GMDS: variants seen among roughly 807,000 people sequenced by gnomAD.
GMDS encodes the protein GDP-mannose 4,6 dehydratase.
In GMDS, 20 loss-of-function variants were observed where a neutral mutation model predicts 49.9. The observed-to-expected ratio is 0.40, with a 90% CI of 0.28 to 0.58. The LOEUF is 0.58. Ranked by LOEUF, GMDS falls within the 20% of genes least tolerant of loss-of-function variation. The pLI, the probability that GMDS is intolerant of heterozygous loss-of-function variation, is 0.42. For missense variants in GMDS, 362 were observed against 481.4 expected (o/e 0.75, Z 2.32); for synonymous variants, 177 against 178.6 (o/e 0.99, Z 0.07).
chr6:1,636,014 C>T (rs983169310), intron 9 of GMDS, among the ~76,000 whole-genome samples: 5 of 152,136 alleles, frequency 3.3e-5, no homozygotes, highest in African/African-American at 1.2e-4. Flanking sequence ...CTCCTCATCA[C>T]AAAGAGGACT....
At chr6:1,962,872 TTTTC>T (rs1464389104) in intron 4 of GMDS, among the ~76,000 whole-genome samples, 1 of 151,412 alleles carries the variant, frequency 6.6e-6, no homozygotes, top group African/African-American at 2.4e-5. Context: ...CTTTTCTTTT[TTTTC>T]TTTCTTTTTT....
At chr6:2,010,068 C>A (rs531232618) in intron 4 of GMDS, among the ~76,000 whole-genome samples, 11 of 152,132 alleles carry the variant, frequency 7.2e-5, no homozygotes, top group Non-Finnish European at 1.0e-4. Flanking sequence ...GTGGCTCACA[C>A]CTGTAATCCC....
At chr6:2,129,834 A>G (rs1333501224) in intron 1 of GMDS, among the ~76,000 whole-genome samples, 5 of 152,256 alleles carry the variant, frequency 3.3e-5, no homozygotes, top group African/African-American at 1.2e-4. Context: ...AGAATATAAT[A>G]GAAAGGTGTT....
At chr6:2,010,370 C>T (rs1213121296) in intron 4 of GMDS, among the ~76,000 whole-genome samples, 3 of 147,548 alleles carry the variant, frequency 2.0e-5, no homozygotes, top group African/African-American at 7.5e-5. Context: ...ACACATAGCA[C>T]ATCAAAATCA....
chr6:2,175,904 A>G, intron 1 of GMDS: 7 of 1,175,764 alleles, frequency 6.0e-6, no homozygotes, highest in Non-Finnish European at 7.3e-6. Flanking sequence ...GATTAGCCCC[A>G]TTTTATAAGG....
intron 6 of GMDS, among the ~76,000 whole-genome samples, chr6:1,951,014 A>G (rs1763313330): frequency 6.6e-6 from 1 of 152,124 alleles, no homozygotes; most frequent in Admixed American, 6.6e-5. Context: ...GGGACAAGAA[A>G]AATATCTCCA....
In GMDS at chr6:1,718,254, T is replaced by C. The variant is rs1346838904; in HGVS notation, c.987+8162A>G. Among the ~76,000 whole-genome samples the C allele has an allele frequency of 2.0e-5, 3 of 152,120 alleles. No homozygotes were observed. The East Asian group carries it at 5.8e-4, about 29-fold the overall frequency. ...TGACCTCTTTTCTCTACACTAGGCC[T>C]CCAGCTCCAACTGCCTCCCTCATTT... On this transcript the variant is annotated intron_variant, in intron 9 of 10. Transcript: ENST00000380815.
At chr6:2,118,198 TG>T (rs1226149233) in intron 2 of GMDS, among the ~76,000 whole-genome samples, 2 of 147,552 alleles carry the variant, frequency 1.4e-5, no homozygotes, top group Non-Finnish European at 3.0e-5. Flanking sequence ...AGGTGGGGGG[TG>T]GGGGGACAGT....
chr6:1,974,674 G>A (rs1359876107), intron 4 of GMDS, among the ~76,000 whole-genome samples: 2 of 152,062 alleles, frequency 1.3e-5, no homozygotes, highest in African/African-American at 4.8e-5. Context: ...GAAGTCAGGA[G>A]TGATACTGTA....
At chr6:1,697,730 T>G (rs1028957919) in intron 9 of GMDS, among the ~76,000 whole-genome samples, 9 of 152,196 alleles carry the variant, frequency 5.9e-5, no homozygotes, top group African/African-American at 2.2e-4. Flanking sequence ...GTGTTTCTGA[T>G]GCTTGTGCAA....
chr6:2,220,224 T>C lies in GMDS; in HGVS notation c.102+25097A>G, dbSNP rs79342619. ...CTAGAGGACTCAATTTCCCGGTCCT[T>C]CAATACTTCTGATGTTTCTTTTCAC... On this transcript the variant is annotated intron_variant, in intron 1 of 10. Transcript: ENST00000380815. Among the ~76,000 whole-genome samples, 253 of 152,278 alleles carry C rather than the reference T, an allele frequency of 1.7e-3. 6 individuals are homozygous for C. In the East Asian group the frequency reaches 0.034, roughly 21 times the overall value.
chr6:1,683,417 G>A (rs11242714), intron 9 of GMDS, among the ~76,000 whole-genome samples: 34,689 of 152,034 alleles, frequency 0.23, 4,201 homozygotes, highest in East Asian at 0.49. Context: ...GCCACCGCGC[G>A]CGGCCTGGAT....
intron 7 of GMDS, among the ~76,000 whole-genome samples, chr6:1,906,022 C>G (rs761592892): frequency 1.3e-5 from 2 of 151,892 alleles, no homozygotes; most frequent in Non-Finnish European, 2.9e-5. Flanking sequence ...CAGATCCACA[C>G]AGAACAGCTG....
At chr6:1,758,427 T>C (rs1291196693) in intron 7 of GMDS, among the ~76,000 whole-genome samples, 1 of 152,080 alleles carries the variant, frequency 6.6e-6, no homozygotes, top group Non-Finnish European at 1.5e-5. Flanking sequence ...TACCACACTC[T>C]CTCCCCAATT....
At chr6:1,976,835 C>T (rs1449301660) in intron 4 of GMDS, among the ~76,000 whole-genome samples, 2 of 152,138 alleles carry the variant, frequency 1.3e-5, no homozygotes, top group African/African-American at 2.4e-5. Context: ...ATTTAAATTG[C>T]TGTGCAATAC....
chr6:1,969,679 C>T (rs1192044685), intron 4 of GMDS, among the ~76,000 whole-genome samples: 2 of 152,170 alleles, frequency 1.3e-5, no homozygotes, highest in Non-Finnish European at 2.9e-5. Flanking sequence ...GTTGCCCTTT[C>T]CCTCTACTCA....
intron 4 of GMDS, among the ~76,000 whole-genome samples, chr6:2,031,948 CATT>C (rs1168563273): frequency 6.6e-6 from 1 of 152,188 alleles, no homozygotes; most frequent in Non-Finnish European, 1.5e-5. Flanking sequence ...CTTATGAAAA[CATT>C]AGCCATTTTT....
At chr6:1,811,029 T>C (rs763346748) in intron 7 of GMDS, among the ~76,000 whole-genome samples, 58 of 152,170 alleles carry the variant, frequency 3.8e-4, no homozygotes, top group Middle Eastern at 3.4e-3. Flanking sequence ...AAGTGGTTTG[T>C]AATTGTTTTA....
intron 7 of GMDS, among the ~76,000 whole-genome samples, chr6:1,821,623 T>G (rs949464567): frequency 4.1e-5 from 6 of 147,654 alleles, no homozygotes; most frequent in South Asian, 2.1e-4. Context: ...TTTTTTTTTT[T>G]TTTTTTTTTT....
Sources: gnomAD v4.1 joint callset for allele counts (sites outside exome capture counted in the v4.1 genomes callset) on GRCh38, gnomAD v4.1.1 for gene constraint, MANE v1.5 for transcripts, NCBI Gene and HGNC (gene_info 2026-07-23, HGNC 2026-07-21) for gene names.